Variants in ATF6 observed in about 807,000 individuals in gnomAD.
ATF6 encodes cyclic AMP-dependent transcription factor ATF-6 alpha.
A neutral mutation model predicts 83.6 loss-of-function variants in ATF6; 53 were observed. That is an observed-to-expected ratio of 0.63 (90% CI 0.51 to 0.80). The LOEUF is 0.80. Ranked by LOEUF, ATF6 falls within the 30% of genes least tolerant of loss-of-function variation. The pLI, the probability that ATF6 is intolerant of heterozygous loss-of-function variation, is 0.00. For synonymous variants in ATF6, 288 were observed against 285.8 expected (o/e 1.01, Z -0.08); for missense variants, 744 against 797.9 (o/e 0.93, Z 0.81).
intron 14 of ATF6, among the ~76,000 whole-genome samples, chr1:161,899,838 A>G (rs1687745987): frequency 6.6e-6 from 1 of 152,176 alleles, no homozygotes; most frequent in Non-Finnish European, 1.5e-5. Context: ...TGCTTCTATT[A>G]GGCACCCGTC....
At chr1:161,902,787 G>A (rs1283639169) in intron 14 of ATF6, among the ~76,000 whole-genome samples, 1 of 152,154 alleles carries the variant, frequency 6.6e-6, no homozygotes, top group Non-Finnish European at 1.5e-5. Flanking sequence ...TTTATAAAGG[G>A]TAACGATATA....
intron 13 of ATF6, among the ~76,000 whole-genome samples, chr1:161,860,997 G>T (rs145804241): frequency 6.6e-6 from 1 of 152,170 alleles, no homozygotes; most frequent in Non-Finnish European, 1.5e-5. Context: ...CTCTTACTTT[G>T]TGGGCTCAAG....
chr1:161,924,960 C>T (rs1360251377), intron 15 of ATF6, among the ~76,000 whole-genome samples: 2 of 152,214 alleles, frequency 1.3e-5, no homozygotes, highest in African/African-American at 4.8e-5. Flanking sequence ...ATATAATCAC[C>T]GCCATGTATA....
At position 161,851,170 on chromosome 1, in the gene ATF6, A is replaced by ACACC. The variant is rs751938401; in HGVS notation, c.1320-551_1320-550insACCC. On this transcript the variant is annotated intron_variant, in intron 10 of 15. Transcript: ENST00000367942. Reference sequence around the variant, plus strand: ...CACACACACACACACACACACACACACCCCTACCTGTTTTACAGATACTAT... The same window carrying ACACC: ...CACACACACACACACACACACACACACACCCCCCTACCTGTTTTACAGATACTAT... 2.3e-4 allele frequency among the ~76,000 whole-genome samples: 31 copies of ACACC among 135,692 alleles called. No individual in the cohort carries two copies. In the South Asian group the frequency reaches 4.9e-3, roughly 22 times the overall value. 89.0% of individuals were successfully genotyped at this position (135,692 alleles called of 152,430 possible).
chr1:161,920,039 T>G (rs1430008158), intron 15 of ATF6, among the ~76,000 whole-genome samples: 1 of 152,184 alleles, frequency 6.6e-6, no homozygotes, highest in Non-Finnish European at 1.5e-5. Context: ...TCCTATTCAT[T>G]CTGCTCAAGC....
chr1:161,876,421 T>C (rs952992027), intron 14 of ATF6, among the ~76,000 whole-genome samples: 4 of 152,048 alleles, frequency 2.6e-5, no homozygotes, highest in Admixed American at 6.6e-5. Flanking sequence ...TCAGCTATTA[T>C]ATGCACTTTT....
intron 15 of ATF6, among the ~76,000 whole-genome samples, chr1:161,948,171 A>G (rs1688791848): frequency 6.6e-6 from 1 of 152,158 alleles, no homozygotes; most frequent in South Asian, 2.1e-4. Flanking sequence ...TTCATGGCAG[A>G]GCAGTGCCTT....
chr1:161,842,930 A>G (rs1334787985), intron 9 of ATF6, among the ~76,000 whole-genome samples: 1 of 152,262 alleles, frequency 6.6e-6, no homozygotes, highest in Non-Finnish European at 1.5e-5. Context: ...GAGCTTTCAT[A>G]CATCATTTAT....
At chr1:161,849,018 A>G (rs1686549446) in intron 10 of ATF6, among the ~76,000 whole-genome samples, 1 of 152,054 alleles carries the variant, frequency 6.6e-6, no homozygotes, top group Non-Finnish European at 1.5e-5. Context: ...ACTAGAGTTC[A>G]GATCACAAAT....
intron 9 of ATF6, among the ~76,000 whole-genome samples, chr1:161,832,318 C>T (rs1686083629): frequency 6.6e-6 from 1 of 152,244 alleles, no homozygotes; most frequent in East Asian, 1.9e-4. Flanking sequence ...GTCTACAGCT[C>T]CCAGCGTGAG....
chr1:161,786,852 A>T (rs1434488556), intron 4 of ATF6, among the ~76,000 whole-genome samples: 3 of 152,204 alleles, frequency 2.0e-5, no homozygotes, highest in Non-Finnish European at 4.4e-5. Flanking sequence ...TGTCCTTTAG[A>T]CTATCAAAAG....
chr1:161,868,655 G>GT (rs113508615), intron 14 of ATF6, among the ~76,000 whole-genome samples: 43,195 of 147,536 alleles, frequency 0.29, 7,314 homozygotes, highest in South Asian at 0.42. Flanking sequence ...CATTTAAAAG[G>GT]TTTTTTTTTT....
chr1:161,807,803 T>C (rs1171316769), intron 7 of ATF6, among the ~76,000 whole-genome samples: 1 of 150,474 alleles, frequency 6.6e-6, no homozygotes, highest in South Asian at 2.1e-4. Flanking sequence ...TTAGGATAAA[T>C]TTATGTTGTG....
At chr1:161,873,865 G>A (rs1687162139) in intron 14 of ATF6, among the ~76,000 whole-genome samples, 1 of 151,522 alleles carries the variant, frequency 6.6e-6, no homozygotes, top group South Asian at 2.1e-4. Flanking sequence ...CATGTAGCAG[G>A]TATTCAATAA....
chr1:161,809,448 G>A (rs1685396022), intron 7 of ATF6, among the ~76,000 whole-genome samples: 1 of 152,144 alleles, frequency 6.6e-6, no homozygotes, highest in Admixed American at 6.5e-5. Context: ...TGTCATTCAT[G>A]GACATTTGGG....
chr1:161,851,907 A>AT, intron 11 of ATF6, 72 bp downstream of exon 11: 1 of 1,079,768 alleles, frequency 9.3e-7, no homozygotes, highest in East Asian at 2.4e-5. Context: ...TAGACAAGTA[A>AT]TTGGTCAAGT....
chr1:161,820,444 G>A (rs952179690), intron 8 of ATF6, among the ~76,000 whole-genome samples: 8 of 152,116 alleles, frequency 5.3e-5, no homozygotes, highest in Admixed American at 6.5e-5. Context: ...TTGGGGATCC[G>A]TAAAAATATA....
Position 161,794,934 on chromosome 1 carries a change from C to T in ATF6, c.688+2607C>T, listed in dbSNP as rs546853119. 6.6e-5 allele frequency among the ~76,000 whole-genome samples: 10 copies of T among 152,008 alleles called. No individual in the cohort carries two copies. The East Asian group carries it at 1.2e-3, about 18-fold the overall frequency. Reference sequence around the variant, plus strand: ...TTGGATTGTGTAGAAGGAGGCTGAACGATAGAGAGGAAGGTGTCTAGGATG... The same window carrying T: ...TTGGATTGTGTAGAAGGAGGCTGAATGATAGAGAGGAAGGTGTCTAGGATG... On this transcript the variant is annotated intron_variant, in intron 6 of 15. Transcript: ENST00000367942.
At chr1:161,857,524 GA>G (rs1228714864) in intron 12 of ATF6, among the ~76,000 whole-genome samples, 1 of 152,048 alleles carries the variant, frequency 6.6e-6, no homozygotes, top group Admixed American at 6.6e-5. Flanking sequence ...AAAACCAAGG[GA>G]ATTTGTCTCC....
Sources: allele counts gnomAD v4.1 joint callset (sites outside exome capture counted in the v4.1 genomes callset), GRCh38; gene constraint gnomAD v4.1.1; transcripts MANE v1.5; gene names NCBI Gene and HGNC (gene_info 2026-07-23, HGNC 2026-07-21).